Variants in POLRMT observed in about 807,000 individuals in gnomAD.
POLRMT encodes the protein DNA-directed RNA polymerase, mitochondrial.
POLRMT carries 114 observed loss-of-function variants against 132.2 expected under a neutral mutation model. That is an observed-to-expected ratio of 0.86 (90% confidence interval 0.74 to 1.01). The LOEUF (loss-of-function observed/expected upper bound fraction) is 1.01. Among genes scored for constraint, POLRMT ranks in the 50% least tolerant of loss-of-function variants. The pLI, the probability that POLRMT is intolerant of heterozygous loss-of-function variation, is 0.00. For missense variants in POLRMT, 2,003 were observed against 1,729.1 expected (o/e 1.16, Z -2.81); for synonymous variants, 1,020 against 773.4 (o/e 1.32, Z -5.29).
chr19:622,002 T>G, intron 9 of POLRMT, 147 bp downstream of exon 9: 1 of 1,131,484 alleles, frequency 8.8e-7, no homozygotes, highest in South Asian at 1.6e-5. Context: ...GCCGGACACC[T>G]GCATGGACAC....
chr19:630,315 T>C lies in POLRMT; in HGVS notation c.194-147A>G, dbSNP rs1222999538. 3.1e-6 allele frequency: 3 copies of C among 960,876 alleles called. No homozygotes were observed. The Admixed American group carries it at 8.6e-5, about 28-fold the overall frequency. 59.5% of individuals were successfully genotyped at this position (960,876 alleles called of 1,614,324 possible). On this transcript the variant is annotated intron_variant, in intron 2 of 20. Coordinates refer to ENST00000588649, the MANE Select transcript of POLRMT (RefSeq NM_005035.4). Reference sequence around the variant, plus strand: ...GAATTCCTCATACTTGCCAACAACGTTGTAAGGTCTGCCCGCTGCTTTCCA... The same window carrying C: ...GAATTCCTCATACTTGCCAACAACGCTGTAAGGTCTGCCCGCTGCTTTCCA...
At chr19:622,060 T>C in intron 9 of POLRMT, 89 bp downstream of exon 9, 3 of 1,296,608 alleles carry the variant, frequency 2.3e-6, no homozygotes, top group East Asian at 2.5e-5. Flanking sequence ...TGCGCTGAGA[T>C]CAAGGCTCCG....
At chr19:618,025 G>A (rs1338542810) in intron 17 of POLRMT, 176 bp from the exon 18 acceptor site, 2 of 596,910 alleles carry the variant, frequency 3.4e-6, no homozygotes, top group African/African-American at 4.0e-5. Context: ...TTAGGTATCA[G>A]TACAGGGGGA....
At chr19:631,427 CAGG>C (rs1985410547) in intron 2 of POLRMT, among the ~76,000 whole-genome samples, 1 of 151,348 alleles carries the variant, frequency 6.6e-6, no homozygotes, top group Non-Finnish European at 1.5e-5. Context: ...ATCACGAGGT[CAGG>C]AGATCAAGAC....
intron 17 of POLRMT, 97 bp downstream of exon 17, chr19:618,391 C>T (rs1600553590): frequency 2.1e-6 from 2 of 957,446 alleles, no homozygotes; most frequent in African/African-American, 1.7e-5. Context: ...TGCCCAGTCC[C>T]TGCCCCCAGC....
chr19:630,242 G>A, intron 2 of POLRMT, 74 bp from the exon 3 acceptor site: 1 of 1,495,996 alleles, frequency 6.7e-7, no homozygotes, highest in South Asian at 1.3e-5. Context: ...TGGACCCTGA[G>A]CCAGGCCAGG....
rs553663334 is a variant in POLRMT, at chr19:617,923, C to T, written c.3423-74G>A. Reference sequence around the variant, plus strand: ...CCCAGTGACCAGCATCCTGGCCCTGCGCTCAGCCCCCTCCACTTGAGGTCC... The same window carrying T: ...CCCAGTGACCAGCATCCTGGCCCTGTGCTCAGCCCCCTCCACTTGAGGTCC... On this transcript the variant is annotated intron_variant, in intron 17 of 20. Transcript: ENST00000588649. 4.4e-4 allele frequency: 609 copies of T among 1,397,848 alleles called. 1 individual carries two copies. The highest frequency in any genetic ancestry group is 5.3e-4 in the Non-Finnish European group (526 of 995,606). 86.6% of individuals were successfully genotyped at this position (1,397,848 alleles called of 1,614,324 possible). A position where few individuals can be genotyped will look rare whatever the true frequency, so the allele number is the denominator to read the frequency against.
At chr19:617,725 C>T in intron 18 of POLRMT, 52 bp downstream of exon 18, 1 of 1,611,562 alleles carries the variant, frequency 6.2e-7, no homozygotes. Flanking sequence ...CCCAACGCCC[C>T]AGTGTGGGGG....
In POLRMT at chr19:631,320, CCT is replaced by C. The variant is rs1985397873; in HGVS notation, c.194-1154_194-1153del. On this transcript the variant is annotated intron_variant, in intron 2 of 20. Coordinates refer to ENST00000588649, the MANE Select transcript of POLRMT (RefSeq NM_005035.4). ...TGCAGCCTGAGAGACAGAGCAGGAC[CCT>C]GTCTCAAAAAAAAAAAGGGGGGGGG... Among the ~76,000 whole-genome samples the C allele has an allele frequency of 1.2e-4, 17 of 142,994 alleles. 1 individual carries two copies. In the South Asian group the frequency reaches 4.0e-3, roughly 33 times the overall value. The allele number at this position is 142,994 out of a possible 152,430, so 93.8% of individuals were successfully genotyped here.
Position 621,291 on chromosome 19 carries a change from G to A in POLRMT, c.2407C>T (p.Arg803Cys), listed in dbSNP as rs775969994. ...GGCGGGCAGGGGTAGGTGCGGCCGC[G>A]GAAGTCCATGTTGTGCGGCAGCCAG... ...VFWLPHNMDF[R>C]GRTYPCPPHF... The change falls in exon 10 of 21, where the codon CGC (arginine) becomes TGC (cysteine). Residue 803 changes from arginine to cysteine, a missense_variant. Arg to Cys is a radical substitution (Grantham distance 180). Transcript: ENST00000588649. 3.7e-6 allele frequency: 6 copies of A among 1,603,550 alleles called. No individual in the cohort carries two copies. The highest frequency in any genetic ancestry group is 4.2e-6 in the Non-Finnish European group (5 of 1,177,488).
chr19:618,078 C>G, intron 17 of POLRMT: 1 of 585,980 alleles, frequency 1.7e-6, no homozygotes, highest in Non-Finnish European at 3.1e-6. Flanking sequence ...CCTGCCGCCC[C>G]CCACGCTGCT....
At chr19:619,849 G>C (rs555462288) in intron 12 of POLRMT, 84 bp from the exon 13 acceptor site, 12 of 1,560,886 alleles carry the variant, frequency 7.7e-6, no homozygotes, top group Non-Finnish European at 1.0e-5. Context: ...CCCCGCCCCA[G>C]CCCCACCACA....
rs138054904 is a variant in POLRMT at position 631,112 on chromosome 19, T to C, written c.194-944A>G. On this transcript the variant is annotated intron_variant, in intron 2 of 20. Transcript: ENST00000588649. ...AGGCAGAGGTTGCAGTGACTCAAGA[T>C]AGCGCCATTGAACTCCAGCCTGGGC... 9.1e-3 allele frequency among the ~76,000 whole-genome samples: 1,377 copies of C among 151,600 alleles called. 23 individuals are homozygous for C. The highest frequency in any genetic ancestry group is 0.029 in the African/African-American group (1,182 of 41,308).
In POLRMT at chr19:619,590, G is replaced by A. The variant is rs1306637589; in HGVS notation, c.3062C>T (p.Pro1021Leu). The A allele has an allele frequency of 1.2e-6, 2 of 1,611,480 alleles. No homozygotes were observed. The highest frequency in any genetic ancestry group is 1.7e-5 in the Admixed American group (1 of 59,994). The change falls in exon 13 of 21, where the codon CCC (proline) becomes CTC (leucine). Residue 1021 changes from proline to leucine, a missense_variant. Coordinates refer to ENST00000588649, the MANE Select transcript of POLRMT (RefSeq NM_005035.4). Reference protein sequence around the residue: ...EKRLRELSDFPQEFVWEASHY... With the variant: ...EKRLRELSDFLQEFVWEASHY... ...AGCGCGACATGCCTGGCGCACCTGG[G>A]GAAAGTCGCTCAGCTCCCGGAGGCG...
Position 620,356 on chromosome 19 carries a change from C to T in POLRMT, c.2763+9G>A. 6.4e-7 allele frequency: 1 copy of T among 1,566,616 alleles called. No individual in the cohort carries two copies. Among genetic ancestry groups the T allele is most frequent in the East Asian group, 2.3e-5 (1 of 42,634 alleles). On this transcript the variant is annotated intron_variant, in intron 11 of 20. Coordinates refer to ENST00000588649, the MANE Select transcript of POLRMT (RefSeq NM_005035.4). ...GCACGGCCTCGGGGGCCAGACCCAG[C>T]TGGCTCACCTGATGGACGGGGAGGT...
intron 2 of POLRMT, among the ~76,000 whole-genome samples, chr19:631,919 C>G (rs1286427886): frequency 6.6e-6 from 1 of 152,136 alleles, no homozygotes; most frequent in African/African-American, 2.4e-5. Flanking sequence ...GCACTGCAGG[C>G]GTTCACCACC....
chr19:617,531 G>GT (rs777570147), intron 19 of POLRMT, 39 bp downstream of exon 19: 31 of 1,608,686 alleles, frequency 1.9e-5, no homozygotes, highest in Non-Finnish European at 2.5e-5. Context: ...TTTGGGGTGG[G>GT]GGGGGAATCC....
intron 3 of POLRMT, 176 bp from the exon 4 acceptor site, chr19:625,430 C>T: frequency 1.3e-6 from 1 of 793,342 alleles, no homozygotes; most frequent in Non-Finnish European, 1.9e-6. Flanking sequence ...ACACAAGCTC[C>T]ACCTGCAGAG....
Position 629,599 on chromosome 19 carries a change from T to G in POLRMT, c.763A>C (p.Lys255Gln). The G allele has an allele frequency of 6.2e-7, 1 of 1,601,252 alleles. No homozygotes were observed. The highest frequency in any genetic ancestry group is 8.5e-7 in the Non-Finnish European group (1 of 1,175,238). ...LLVVHHGQRQ[K>Q]RKLLTLDMYN... ...ATGTCCAGCGTGAGCAGCTTCCGCT[T>G]CTGCCGCTGGCCGTGGTGGACGACC... Residue 255 changes from lysine (K) to glutamine (Q), a missense_variant, in exon 3 of 21, where the codon AAG (lysine) becomes CAG (glutamine). Lys to Gln is a moderately conservative substitution (Grantham distance 53). Transcript: ENST00000588649.
Sources: allele counts gnomAD v4.1 joint callset (sites outside exome capture counted in the v4.1 genomes callset), GRCh38; gene constraint gnomAD v4.1.1; transcripts MANE v1.5; gene names NCBI Gene and HGNC (gene_info 2026-07-23, HGNC 2026-07-21).